SLC22A9: variants seen among roughly 807,000 people sequenced by gnomAD.
SLC22A9 encodes the protein organic anion transporter 7.
Under a neutral mutation model 50.1 loss-of-function variants are expected in SLC22A9, and 64 were observed. The observed-to-expected ratio is 1.28, with a 90% CI of 1.04 to 1.57. SLC22A9 has a LOEUF of 1.57. Ranked by LOEUF, SLC22A9 falls within the 40% of genes most tolerant of loss-of-function variation. The pLI is 0.00. For missense variants in SLC22A9, 757 were observed against 676.1 expected, an observed-to-expected ratio of 1.12 and a Z score of -1.33; for synonymous variants, 261 against 242.5, an observed-to-expected ratio of 1.08 and a Z score of -0.71.
intron 6 of SLC22A9, among the ~76,000 whole-genome samples, chr11:63,386,005 A>G (rs2014659023): frequency 6.6e-6 from 1 of 152,024 alleles, no homozygotes. Context: ...AACATGAAGG[A>G]TGTTGAATTT....
chr11:63,393,856 T>G (rs560934852), intron 6 of SLC22A9, among the ~76,000 whole-genome samples: 1 of 152,272 alleles, frequency 6.6e-6, no homozygotes, highest in South Asian at 2.1e-4. Flanking sequence ...CTTGTTAGAT[T>G]GGGGAAGTTC....
At chr11:63,385,229 T>G (rs2014644923) in intron 6 of SLC22A9, among the ~76,000 whole-genome samples, 1 of 150,858 alleles carries the variant, frequency 6.6e-6, no homozygotes, top group African/African-American at 2.4e-5. Context: ...CCCATCCCTA[T>G]GTCCTGAATA....
chr11:63,406,565 T>G lies in SLC22A9; in HGVS notation c.1142T>G (p.Leu381Arg), dbSNP rs1229073895. Residue 381 changes from leucine (L) to arginine (R), a missense_variant, in exon 7 of 10, where the codon CTG becomes CGG. Physicochemically the swap from Leu to Arg is moderately radical, Grantham distance 102. Transcript: ENST00000279178. ...HVQHLGNNVF[L>R]LQTLFGAVIL... ...CAGCATCTGGGGAACAATGTTTTCC[T>G]GTTGCAGACTCTCTTTGGTGCAGTC... The G allele has an allele frequency of 1.9e-6, 3 of 1,613,880 alleles. No individual in the cohort carries two copies. The highest frequency in any genetic ancestry group is 2.2e-5 in the South Asian group (2 of 91,070).
intron 6 of SLC22A9, among the ~76,000 whole-genome samples, chr11:63,397,973 C>T (rs919817138): frequency 6.6e-6 from 1 of 152,156 alleles, no homozygotes; most frequent in Non-Finnish European, 1.5e-5. Flanking sequence ...TTAATTACCA[C>T]AGCTGGAAAT....
In SLC22A9 at chr11:63,373,700, C is replaced by A. The variant is rs2014405645; in HGVS notation, c.563C>A (p.Thr188Asn). 1 of 1,610,728 alleles carries A rather than the reference C, an allele frequency of 6.2e-7. No individual in the cohort carries two copies. Among genetic ancestry groups the A allele is most frequent in the African/African-American group, 1.3e-5 (1 of 74,712 alleles). The change falls in exon 3 of 10, where the codon ACC (threonine) becomes AAC (asparagine). Residue 188 changes from threonine to asparagine, a missense_variant. By Grantham distance (65) the Thr-to-Asn change is moderately conservative. Transcript: ENST00000279178. The stretch of plus-strand genomic sequence containing the variant: ...TACCTCCAGGTTGCCATTGTTGGCA[C>A]CTGTGCAGCCTTGGCTCCCACCTTC... ...WCYLQVAIVG[T>N]CAALAPTFLI...
intron 6 of SLC22A9, among the ~76,000 whole-genome samples, chr11:63,402,457 T>G (rs573130345): frequency 3.3e-5 from 5 of 152,224 alleles, no homozygotes; most frequent in Admixed American, 2.6e-4. Context: ...CTAATGACTG[T>G]GTTGCATTGG....
intron 6 of SLC22A9, among the ~76,000 whole-genome samples, chr11:63,399,305 A>G (rs1048573995): frequency 6.6e-6 from 1 of 152,174 alleles, no homozygotes; most frequent in African/African-American, 2.4e-5. Context: ...CCTACAAGTA[A>G]TGTACTTCAC....
At chr11:63,389,026 T>C (rs904149107) in intron 6 of SLC22A9, among the ~76,000 whole-genome samples, 20 of 152,286 alleles carry the variant, frequency 1.3e-4, no homozygotes, top group African/African-American at 4.8e-4. Flanking sequence ...CAATGTCTCC[T>C]TTTTAATCTC....
intron 2 of SLC22A9, 129 bp from the exon 3 acceptor site, chr11:63,373,515 T>G: frequency 1.1e-6 from 1 of 873,990 alleles, no homozygotes; most frequent in Non-Finnish European, 1.7e-6. Flanking sequence ...GATTACTGAT[T>G]CTTTAAGGCT....
intron 6 of SLC22A9, among the ~76,000 whole-genome samples, chr11:63,405,093 C>T (rs889158423): frequency 3.9e-5 from 6 of 152,034 alleles, no homozygotes; most frequent in East Asian, 1.9e-4. Context: ...CCAAACACCA[C>T]CTGTTCCCCA....
intron 6 of SLC22A9, among the ~76,000 whole-genome samples, chr11:63,383,656 A>C (rs564657233): frequency 2.6e-5 from 4 of 152,306 alleles, no homozygotes; most frequent in African/African-American, 7.2e-5. Flanking sequence ...AAAAGGGAAC[A>C]AAAAAATCCC....
At chr11:63,403,783 A>C (rs776941334) in intron 6 of SLC22A9, among the ~76,000 whole-genome samples, 2 of 152,132 alleles carry the variant, frequency 1.3e-5, no homozygotes, top group Non-Finnish European at 2.9e-5. Context: ...ATAGCATCCT[A>C]TACCTATTAG....
At chr11:63,395,686 T>A (rs2014841762) in intron 6 of SLC22A9, among the ~76,000 whole-genome samples, 1 of 152,180 alleles carries the variant, frequency 6.6e-6, no homozygotes, top group Admixed American at 6.6e-5. Context: ...ATTTTTGTGC[T>A]GGTTGGCCTC....
intron 6 of SLC22A9, among the ~76,000 whole-genome samples, chr11:63,398,177 C>T (rs2014892600): frequency 6.6e-6 from 1 of 152,166 alleles, no homozygotes; most frequent in African/African-American, 2.4e-5. Context: ...CTGGAGATGT[C>T]ATCTGGGAGC....
At chr11:63,385,551 A>G (rs1286555550) in intron 6 of SLC22A9, among the ~76,000 whole-genome samples, 1 of 151,916 alleles carries the variant, frequency 6.6e-6, no homozygotes, top group Non-Finnish European at 1.5e-5. Context: ...TTCTCTTTGC[A>G]GCAATTGTGA....
In SLC22A9 at chr11:63,408,895, G is replaced by C. The variant is rs4088469; in HGVS notation, c.1601+16G>C. On this transcript the variant is annotated intron_variant, in intron 9 of 9. Transcript: ENST00000279178. ...AGAAAAATGAGTGAGTAAATAGCCC[G>C]GTTGCCCCTCAGAGGATCTGTGTGC... The C allele has an allele frequency of 6.2e-7, 1 of 1,612,416 alleles. No homozygotes were observed. The highest frequency in any genetic ancestry group is 8.5e-7 in the Non-Finnish European group (1 of 1,178,910).
At position 63,370,578 on chromosome 11, in the gene SLC22A9, A is replaced by G. The variant is rs777881774; in HGVS notation, c.402+120A>G. The G allele has an allele frequency of 2.3e-4, 267 of 1,168,608 alleles. 1 individual carries two copies. Among genetic ancestry groups the G allele is most frequent in the Non-Finnish European group, 3.0e-4 (255 of 857,072 alleles). 72.4% of individuals were successfully genotyped at this position (1,168,608 alleles called of 1,614,324 possible). ...GTCCTTAGTCTTCATTCTTTCAGCA[A>G]ATACTAATTGCTTCTTTATTAAATG... On this transcript the variant is annotated intron_variant, in intron 1 of 9. Coordinates refer to ENST00000279178, the MANE Select transcript of SLC22A9 (RefSeq NM_080866.3).
intron 6 of SLC22A9, 111 bp from the exon 7 acceptor site, chr11:63,406,386 C>A (rs2015037623): frequency 2.3e-6 from 2 of 876,724 alleles, no homozygotes; most frequent in South Asian, 1.7e-5. Flanking sequence ...TGAAATAGAC[C>A]CAGCCTTTAT....
chr11:63,397,839 T>C (rs2014886510), intron 6 of SLC22A9, among the ~76,000 whole-genome samples: 1 of 152,138 alleles, frequency 6.6e-6, no homozygotes, highest in South Asian at 2.1e-4. Flanking sequence ...CAGGCTTGGA[T>C]TTATGGACCC....
Sources: allele counts gnomAD v4.1 joint callset (sites outside exome capture counted in the v4.1 genomes callset), GRCh38; gene constraint gnomAD v4.1.1; transcripts MANE v1.5; gene names NCBI Gene and HGNC (gene_info 2026-07-23, HGNC 2026-07-21).